DLG5: variants seen among roughly 807,000 people sequenced by gnomAD.
DLG5 encodes the protein disks large homolog 5.
DLG5 carries 48 observed loss-of-function variants against 189.8 expected under a neutral mutation model. The ratio of observed to expected loss-of-function variants is 0.25; its 90% CI spans 0.20 to 0.32. The LOEUF (loss-of-function observed/expected upper bound fraction) is 0.32. Ranked by LOEUF, DLG5 falls within the 10% of genes least tolerant of loss-of-function variation. The probability of loss-of-function intolerance (pLI) is 1.00; values close to 1 mark genes in which losing one functional copy is unlikely to be tolerated. For missense variants in DLG5, 2,160 were observed against 2,544.7 expected (o/e 0.85, Z 3.25); for synonymous variants, 1,016 against 1,054.1 (o/e 0.96, Z 0.70).
At chr10:77,818,446 T>A (rs1237133278) in intron 17 of DLG5, among the ~76,000 whole-genome samples, 1 of 152,188 alleles carries the variant, frequency 6.6e-6, no homozygotes, top group Non-Finnish European at 1.5e-5. Context: ...GTCCTTAGAA[T>A]AAAATCCAAA....
intron 1 of DLG5, among the ~76,000 whole-genome samples, chr10:77,913,426 G>T (rs1218239689): frequency 6.6e-6 from 1 of 152,004 alleles, no homozygotes; most frequent in African/African-American, 2.4e-5. Context: ...GCATCACCCG[G>T]GCAACTTGAT....
intron 2 of DLG5, chr10:77,867,835 T>C (rs1411136428): frequency 4.7e-6 from 2 of 423,324 alleles, no homozygotes; most frequent in Admixed American, 2.5e-5. Flanking sequence ...GATGGTGAAA[T>C]AGTCTTTACA....
chr10:77,856,675 CG>C, intron 3 of DLG5, 54 bp downstream of exon 3: 1 of 1,583,684 alleles, frequency 6.3e-7, no homozygotes, highest in South Asian at 1.1e-5. Context: ...GCACCAGCAT[CG>C]GGGTAGTAAT....
chr10:77,871,951 T>G (rs1362909974), intron 1 of DLG5, among the ~76,000 whole-genome samples: 1 of 152,204 alleles, frequency 6.6e-6, no homozygotes, highest in East Asian at 1.9e-4. Flanking sequence ...TCCATTGATA[T>G]CTTCAAAGAA....
intron 2 of DLG5, chr10:77,867,849 G>C (rs557442645): frequency 4.5e-6 from 2 of 440,472 alleles, no homozygotes; most frequent in Admixed American, 4.8e-5. Context: ...CTTTACAGAT[G>C]ATCAATTTAA....
intron 1 of DLG5, among the ~76,000 whole-genome samples, chr10:77,909,985 G>C (rs774900688): frequency 6.6e-6 from 1 of 152,040 alleles, no homozygotes; most frequent in East Asian, 1.9e-4. Context: ...AAGAAGCCAC[G>C]GCAGCCAGCA....
At chr10:77,857,615 G>A (rs912046881) in intron 2 of DLG5, among the ~76,000 whole-genome samples, 3 of 152,164 alleles carry the variant, frequency 2.0e-5, no homozygotes, top group African/African-American at 7.2e-5. Flanking sequence ...GTCCTACAGG[G>A]AGCCCCACAC....
chr10:77,831,500 A>T (rs1842895465), intron 9 of DLG5, among the ~76,000 whole-genome samples: 1 of 152,250 alleles, frequency 6.6e-6, no homozygotes, highest in South Asian at 2.1e-4. Flanking sequence ...AGGCATCAGA[A>T]TCACTAAAAC....
At chr10:77,906,607 C>T (rs1448675338) in intron 1 of DLG5, among the ~76,000 whole-genome samples, 1 of 147,904 alleles carries the variant, frequency 6.8e-6, no homozygotes, top group Non-Finnish European at 1.5e-5. Flanking sequence ...AGCAACAGTG[C>T]TGCGCTCCAC....
intron 1 of DLG5, among the ~76,000 whole-genome samples, chr10:77,919,912 C>T (rs1291944463): frequency 3.9e-5 from 6 of 152,194 alleles, no homozygotes; most frequent in Admixed American, 3.9e-4. Flanking sequence ...ACTTAGGAAT[C>T]TGCATGTATA....
chr10:77,887,784 C>T (rs930988491), intron 1 of DLG5, among the ~76,000 whole-genome samples: 1 of 152,194 alleles, frequency 6.6e-6, no homozygotes, highest in African/African-American at 2.4e-5. Context: ...TTTAAAGTCA[C>T]GTTCCATTTC....
intron 5 of DLG5, among the ~76,000 whole-genome samples, chr10:77,850,567 C>G (rs1843920389): frequency 6.6e-6 from 1 of 152,168 alleles, no homozygotes; most frequent in South Asian, 2.1e-4. Flanking sequence ...GGGAGGTCAC[C>G]TGTTAGCTCT....
chr10:77,796,091 A>T lies in DLG5; in HGVS notation c.5406T>A (p.Thr1802=). ...CTGTGATCTCCTTTATTGACGCCAC[A>T]GTGGTCACATCGAAATGGCCGCTTC... ...KRRSGHFDVT[T]VASIKEITEK... Residue 1802 remains threonine (T), a synonymous_variant, in exon 29 of 32, where the codon ACT becomes ACA. Coordinates refer to ENST00000372391, the MANE Select transcript of DLG5 (RefSeq NM_004747.4). The surrounding 1 kb of genome is among the most constrained non-coding windows in gnomAD (Gnocchi z 5.2). 1 of 1,614,232 alleles carries T rather than the reference A, an allele frequency of 6.2e-7. No homozygotes were observed. The highest frequency in any genetic ancestry group is 1.1e-5 in the South Asian group (1 of 91,088).
chr10:77,866,494 C>T (rs139459826), intron 2 of DLG5, among the ~76,000 whole-genome samples: 124 of 152,358 alleles, frequency 8.1e-4, no homozygotes, highest in Admixed American at 2.4e-3. Flanking sequence ...TTCCTTTGCT[C>T]ATAAGAACCC....
At position 77,898,120 on chromosome 10, in the gene DLG5, A is replaced by G. The variant is rs148566946; in HGVS notation, c.304+28097T>C. 2.0e-3 allele frequency among the ~76,000 whole-genome samples: 312 copies of G among 152,332 alleles called. 1 individual carries two copies. The highest frequency in any genetic ancestry group is 7.1e-3 in the African/African-American group (295 of 41,596). On this transcript the variant is annotated intron_variant, in intron 1 of 31. Transcript: ENST00000372391. Reference sequence around the variant, plus strand: ...CACAAGCACCTTCCTCCCAGGAGCCAGAACAGCCTTCTCCATCAGCGCAGG... The same window carrying G: ...CACAAGCACCTTCCTCCCAGGAGCCGGAACAGCCTTCTCCATCAGCGCAGG...
At chr10:77,934,860 G>GTT in the DLG5 span, among the ~76,000 whole-genome samples, 188 of 137,370 alleles carry the variant, frequency 1.4e-3, 3 homozygotes, top group East Asian at 0.035. Flanking sequence ...TTGTTTTTTT[G>GTT]TTTTTTTTTT....
chr10:77,919,977 T>A (rs1162638985), intron 1 of DLG5, among the ~76,000 whole-genome samples: 1 of 152,216 alleles, frequency 6.6e-6, no homozygotes, highest in Non-Finnish European at 1.5e-5. Context: ...AGCTGACTAT[T>A]CATTCGTTCA....
intron 22 of DLG5, 23 bp from the exon 23 acceptor site, chr10:77,811,257 A>C: frequency 6.2e-7 from 1 of 1,608,678 alleles, no homozygotes. Flanking sequence ...GACAGGAGGG[A>C]TAAGGAGCAG....
rs558362729 is a variant in DLG5, at chr10:77,847,270, C to T, written c.865-3564G>A. On this transcript the variant is annotated intron_variant, in intron 5 of 31. Coordinates refer to ENST00000372391, the MANE Select transcript of DLG5 (RefSeq NM_004747.4). The stretch of plus-strand genomic sequence containing the variant: ...GGCCCCGTACTGCTTGCTTCCACCA[C>T]GATGACGGCCACCCTCGGCCTGCTC... Among the ~76,000 whole-genome samples, 5 of 152,228 alleles carry T rather than the reference C, an allele frequency of 3.3e-5. No homozygotes were observed. The South Asian group carries it at 6.2e-4, about 19-fold the overall frequency.
Sources: allele counts gnomAD v4.1 joint callset (sites outside exome capture counted in the v4.1 genomes callset), GRCh38; gene constraint gnomAD v4.1.1; non-coding constraint Gnocchi (gnomAD v3.1); transcripts MANE v1.5; gene names NCBI Gene and HGNC (gene_info 2026-07-23, HGNC 2026-07-21).